SPATA16: variants seen among roughly 807,000 people sequenced by gnomAD.
SPATA16 encodes the protein spermatogenesis associated 16, also known as spermatogenesis-associated protein 16.
A neutral mutation model predicts 63.3 loss-of-function variants in SPATA16; 36 were observed. The ratio of observed to expected loss-of-function variants is 0.57; its 90% CI spans 0.44 to 0.75. SPATA16 has a LOEUF of 0.75. Among genes scored for constraint, SPATA16 ranks in the 30% least tolerant of loss-of-function variants. The probability of loss-of-function intolerance (pLI) is 0.00; values close to 1 mark genes in which losing one functional copy is unlikely to be tolerated. For synonymous variants in SPATA16, 203 were observed against 216.7 expected, an observed-to-expected ratio of 0.94 and a Z score of 0.56; for missense variants, 646 against 679.3, an observed-to-expected ratio of 0.95 and a Z score of 0.54.
At chr3:173,046,013 A>AATAAAT (rs1293871302) in intron 3 of SPATA16, among the ~76,000 whole-genome samples, 1 of 152,090 alleles carries the variant, frequency 6.6e-6, no homozygotes, top group Non-Finnish European at 1.5e-5. Flanking sequence ...TAAAAATAAA[A>AATAAAT]AACCCTAAAG....
chr3:172,988,934 G>T (rs762523202), intron 4 of SPATA16, among the ~76,000 whole-genome samples: 1 of 152,202 alleles, frequency 6.6e-6, no homozygotes. Context: ...TCTTCCAAGA[G>T]AGTGGAGAGC....
At chr3:173,102,052 A>G (rs1034284409) in intron 2 of SPATA16, among the ~76,000 whole-genome samples, 36 of 152,146 alleles carry the variant, frequency 2.4e-4, no homozygotes, top group Middle Eastern at 3.2e-3. Flanking sequence ...ACAAAATCAT[A>G]TAACTGCAGT....
intron 10 of SPATA16, among the ~76,000 whole-genome samples, chr3:172,908,830 C>A (rs1444994895): frequency 6.6e-6 from 1 of 151,656 alleles, no homozygotes; most frequent in African/African-American, 2.4e-5. Context: ...GTAGCTTGTA[C>A]AATTAGGTTT....
At position 172,898,862 on chromosome 3, in the gene SPATA16, C is replaced by A. The variant is rs200637670; in HGVS notation, c.1588-9170G>T. On this transcript the variant is annotated intron_variant, in intron 10 of 10. Transcript: ENST00000351008. Reference sequence around the variant, plus strand: ...TATGCATTTAGTGCTATACATTTTTCTCTCATTGCTATTTTACCTGTATCC... The same window carrying A: ...TATGCATTTAGTGCTATACATTTTTATCTCATTGCTATTTTACCTGTATCC... 2.0e-5 allele frequency among the ~76,000 whole-genome samples: 3 copies of A among 151,550 alleles called. No individual in the cohort carries two copies. The East Asian group carries it at 5.8e-4, about 29-fold the overall frequency.
At chr3:173,012,733 G>A (rs577074249) in intron 4 of SPATA16, among the ~76,000 whole-genome samples, 2 of 152,276 alleles carry the variant, frequency 1.3e-5, no homozygotes, top group East Asian at 1.9e-4. Context: ...ATATGCAGAA[G>A]AATGAAACTG....
intron 2 of SPATA16, among the ~76,000 whole-genome samples, chr3:173,094,080 T>C (rs1320441131): frequency 6.6e-6 from 1 of 151,848 alleles, no homozygotes; most frequent in Non-Finnish European, 1.5e-5. Flanking sequence ...CTTATTTCAG[T>C]TATGTTTTCT....
intron 1 of SPATA16, among the ~76,000 whole-genome samples, chr3:173,140,140 T>G (rs1441277811): frequency 6.6e-6 from 1 of 152,324 alleles, no homozygotes; most frequent in Non-Finnish European, 1.5e-5. Flanking sequence ...AAGGTGCTAG[T>G]TTCACTGCTC....
intron 8 of SPATA16, among the ~76,000 whole-genome samples, chr3:172,917,464 G>A (rs116097690): frequency 0.019 from 2,937 of 152,268 alleles, 30 homozygotes; most frequent in Middle Eastern, 0.058. Context: ...AAGTGACCAA[G>A]TGCCCCTTTA....
chr3:172,959,738 G>T (rs1733702306), intron 5 of SPATA16, among the ~76,000 whole-genome samples: 1 of 148,488 alleles, frequency 6.7e-6, no homozygotes, highest in Non-Finnish European at 1.5e-5. Flanking sequence ...CAATCTTGAG[G>T]CTTTGAGCCT....
chr3:172,897,206 A>G (rs2109543205), intron 10 of SPATA16, among the ~76,000 whole-genome samples: 1 of 152,268 alleles, frequency 6.6e-6, no homozygotes, highest in South Asian at 2.1e-4. Flanking sequence ...TTTGTTGAAA[A>G]TGCTATTTTT....
intron 5 of SPATA16, among the ~76,000 whole-genome samples, chr3:172,960,885 C>CCTTCTT (rs1733737830): frequency 6.7e-6 from 1 of 149,078 alleles, no homozygotes; most frequent in African/African-American, 2.5e-5. Context: ...CTCTTTCTTT[C>CCTTCTT]TCTCTCTCCT....
chr3:173,053,668 A>C (rs1168068712), intron 2 of SPATA16, among the ~76,000 whole-genome samples: 1 of 152,162 alleles, frequency 6.6e-6, no homozygotes, highest in Non-Finnish European at 1.5e-5. Context: ...TATTGCTGAT[A>C]GTTTCTCCCT....
At chr3:173,081,122 A>G (rs975573381) in intron 2 of SPATA16, among the ~76,000 whole-genome samples, 3 of 152,190 alleles carry the variant, frequency 2.0e-5, no homozygotes, top group Non-Finnish European at 1.5e-5. Flanking sequence ...TTATCTGTAG[A>G]TTTCTAGCTT....
chr3:172,956,915 A>C, intron 5 of SPATA16, 91 bp from the exon 6 acceptor site: 1 of 1,443,980 alleles, frequency 6.9e-7, no homozygotes, highest in African/African-American at 1.4e-5. Context: ...TGGATGACTT[A>C]AAAATCTATA....
At chr3:173,011,828 G>T (rs1056466576) in intron 4 of SPATA16, among the ~76,000 whole-genome samples, 3 of 151,968 alleles carry the variant, frequency 2.0e-5, no homozygotes, top group African/African-American at 4.8e-5. Flanking sequence ...TAGAGACAGG[G>T]TCTCACTAGG....
chr3:173,085,050 G>C (rs1372824880), intron 2 of SPATA16, among the ~76,000 whole-genome samples: 6 of 152,134 alleles, frequency 3.9e-5, no homozygotes, highest in Non-Finnish European at 4.4e-5. Context: ...CTAATTCTGT[G>C]AAGAACGTCA....
chr3:173,036,474 C>T (rs956414561), intron 3 of SPATA16, among the ~76,000 whole-genome samples: 1 of 151,802 alleles, frequency 6.6e-6, no homozygotes, highest in Non-Finnish European at 1.5e-5. Context: ...TTCTAAATGA[C>T]CAACAGGTAA....
intron 1 of SPATA16, among the ~76,000 whole-genome samples, chr3:173,122,330 G>T (rs111337584): frequency 0.021 from 3,215 of 152,058 alleles, 76 homozygotes; most frequent in Middle Eastern, 0.075. Flanking sequence ...TGTTCTATGT[G>T]GGAGTTTCTA....
At chr3:173,108,917 G>A (rs925761159) in intron 2 of SPATA16, among the ~76,000 whole-genome samples, 1 of 152,094 alleles carries the variant, frequency 6.6e-6, no homozygotes, top group Non-Finnish European at 1.5e-5. Context: ...TAGTGTAAGT[G>A]CAGTCTATTG....
Sources: allele counts gnomAD v4.1 joint callset (sites outside exome capture counted in the v4.1 genomes callset), GRCh38; gene constraint gnomAD v4.1.1; transcripts MANE v1.5; gene names NCBI Gene and HGNC (gene_info 2026-07-23, HGNC 2026-07-21).